Variants in ITFG1 observed in about 807,000 individuals in gnomAD.
The protein encoded by ITFG1 is integrin alpha FG-GAP repeat containing 1.
In ITFG1, 34 loss-of-function variants were observed where a neutral mutation model predicts 81.8. The ratio of observed to expected loss-of-function variants is 0.42; its 90% CI spans 0.32 to 0.55. ITFG1 has a LOEUF of 0.55. Among genes scored for constraint, ITFG1 ranks in the 20% least tolerant of loss-of-function variants. The pLI, the probability that ITFG1 is intolerant of heterozygous loss-of-function variation, is 0.17. For missense variants in ITFG1, 672 were observed against 755.4 expected (o/e 0.89, Z 1.29); for synonymous variants, 285 against 270.6 (o/e 1.05, Z -0.52).
chr16:47,328,872 A>T (rs1967599107), intron 8 of ITFG1, among the ~76,000 whole-genome samples: 1 of 152,168 alleles, frequency 6.6e-6, no homozygotes, highest in South Asian at 2.1e-4. Context: ...AAAAATAAGC[A>T]AGAAACTGAA....
At chr16:47,237,921 AGAATT>A (rs1965894419) in intron 13 of ITFG1, 39 bp downstream of exon 13, 1 of 856,262 alleles carries the variant, frequency 1.2e-6, no homozygotes, top group Non-Finnish European at 1.9e-6. Flanking sequence ...ACTTATACAT[AGAATT>A]TTCATAGACA....
chr16:47,181,917 T>A (rs922831950), intron 14 of ITFG1, among the ~76,000 whole-genome samples: 2 of 152,152 alleles, frequency 1.3e-5, no homozygotes, highest in African/African-American at 2.4e-5. Context: ...ATGTGCTGTG[T>A]CCACTCAGGT....
chr16:47,262,535 T>C (rs1261149009), intron 10 of ITFG1, among the ~76,000 whole-genome samples: 1 of 152,238 alleles, frequency 6.6e-6, no homozygotes, highest in Admixed American at 6.5e-5. Context: ...CTATGCATCA[T>C]ATGGTCAACA....
intron 10 of ITFG1, among the ~76,000 whole-genome samples, chr16:47,303,258 G>A (rs983756257): frequency 2.2e-4 from 34 of 151,592 alleles, no homozygotes; most frequent in African/African-American, 7.5e-4. Flanking sequence ...ATGACAGAGC[G>A]AGACTCCATC....
chr16:47,162,509 T>A (rs755167604), intron 15 of ITFG1, 31 bp downstream of exon 15: 9 of 1,531,928 alleles, frequency 5.9e-6, no homozygotes, highest in Non-Finnish European at 8.0e-6. Context: ...AAAACATAGA[T>A]TAATTGTAAA....
At chr16:47,456,685 CTG>C (rs762348597) in intron 2 of ITFG1, among the ~76,000 whole-genome samples, 35 of 141,696 alleles carry the variant, frequency 2.5e-4, no homozygotes, top group South Asian at 1.1e-3. Flanking sequence ...GAGTGAGACT[CTG>C]TCTCTAAAAA....
intron 8 of ITFG1, among the ~76,000 whole-genome samples, chr16:47,351,084 A>G (rs1419806378): frequency 6.6e-6 from 1 of 152,220 alleles, no homozygotes; most frequent in East Asian, 1.9e-4. Context: ...GCTATTTATG[A>G]CAAAACCACA....
chr16:47,376,980 A>AAAAAAAATAAAAAAT (rs1968334167), intron 6 of ITFG1, among the ~76,000 whole-genome samples: 1 of 150,076 alleles, frequency 6.7e-6, no homozygotes, highest in African/African-American at 2.5e-5. Context: ...AAAAAAAAAA[A>AAAAAAAATAAAAAAT]AAAAAAAAAA....
intron 10 of ITFG1, among the ~76,000 whole-genome samples, chr16:47,280,361 T>A (rs1028143700): frequency 2.6e-5 from 4 of 152,204 alleles, no homozygotes; most frequent in Admixed American, 6.6e-5. Flanking sequence ...CTACATGAAC[T>A]GATATGCTTA....
intron 5 of ITFG1, among the ~76,000 whole-genome samples, chr16:47,437,875 A>G (rs534144188): frequency 1.3e-5 from 2 of 152,358 alleles, no homozygotes; most frequent in African/African-American, 4.8e-5. Flanking sequence ...GAGCAAAAGC[A>G]GGGCGAGGCA....
intron 14 of ITFG1, among the ~76,000 whole-genome samples, chr16:47,194,868 C>T (rs757132748): frequency 1.3e-5 from 2 of 151,872 alleles, no homozygotes; most frequent in Non-Finnish European, 2.9e-5. Context: ...CTAATGCTCT[C>T]CCTCCCCTTG....
intron 10 of ITFG1, among the ~76,000 whole-genome samples, chr16:47,282,860 T>C (rs1315988640): frequency 3.9e-5 from 6 of 152,220 alleles, no homozygotes; most frequent in South Asian, 2.1e-4. Flanking sequence ...TATTTTTTCA[T>C]GCTTGTCAGT....
chr16:47,184,724 T>C (rs929748031), intron 14 of ITFG1, among the ~76,000 whole-genome samples: 35 of 151,562 alleles, frequency 2.3e-4, no homozygotes, highest in African/African-American at 7.7e-4. Context: ...CGTCAACTAA[T>C]GAGCAAAATA....
intron 6 of ITFG1, among the ~76,000 whole-genome samples, chr16:47,382,715 AT>A (rs1367264863): frequency 6.6e-6 from 1 of 152,240 alleles, no homozygotes; most frequent in Admixed American, 6.5e-5. Flanking sequence ...TAAACTAAAA[AT>A]TTTAGGCAAA....
At chr16:47,379,394 G>A (rs1375916039) in intron 6 of ITFG1, among the ~76,000 whole-genome samples, 1 of 152,120 alleles carries the variant, frequency 6.6e-6, no homozygotes, top group Admixed American at 6.6e-5. Flanking sequence ...CAGACACTAA[G>A]ATGAGATTCT....
At chr16:47,251,302 C>CT (rs1966071649) in intron 12 of ITFG1, among the ~76,000 whole-genome samples, 1 of 152,204 alleles carries the variant, frequency 6.6e-6, no homozygotes, top group Non-Finnish European at 1.5e-5. Context: ...GCTCTCCTGT[C>CT]TGAGAGCCCT....
At chr16:47,223,273 G>C (rs1333843806) in intron 13 of ITFG1, among the ~76,000 whole-genome samples, 1 of 152,102 alleles carries the variant, frequency 6.6e-6, no homozygotes, top group Non-Finnish European at 1.5e-5. Flanking sequence ...CACAGCAAAA[G>C]AAACTACCAT....
At chr16:47,437,968 C>T (rs1177867530) in intron 5 of ITFG1, among the ~76,000 whole-genome samples, 4 of 152,316 alleles carry the variant, frequency 2.6e-5, no homozygotes, top group East Asian at 1.9e-4. Flanking sequence ...CCTGGAAAAA[C>T]GGGTCACTCC....
intron 15 of ITFG1, 102 bp from the exon 16 acceptor site, chr16:47,161,934 AATTCTAGGTATGG>A (rs541567460): frequency 3.9e-4 from 294 of 754,080 alleles, no homozygotes; most frequent in Middle Eastern, 2.3e-3. Flanking sequence ...GAGAAATTCA[AATTCTAGGTATGG>A]ATTAAGCTAT....
Sources: gnomAD v4.1 joint callset for allele counts (sites outside exome capture counted in the v4.1 genomes callset) on GRCh38, gnomAD v4.1.1 for gene constraint, MANE v1.5 for transcripts, NCBI Gene and HGNC (gene_info 2026-07-23, HGNC 2026-07-21) for gene names.